RARB: variants seen among roughly 807,000 people sequenced by gnomAD.
RARB encodes the protein HBV-activated protein.
In RARB, 17 loss-of-function variants were observed where a neutral mutation model predicts 51.9. That is an observed-to-expected ratio of 0.33 (90% CI 0.22 to 0.49). The LOEUF (loss-of-function observed/expected upper bound fraction) is 0.49. Ranked by LOEUF, RARB falls within the 20% of genes least tolerant of loss-of-function variation. RARB has a pLI of 0.99. For missense variants in RARB, 369 were observed against 550.8 expected (o/e 0.67, Z 3.30); for synonymous variants, 215 against 195.4 (o/e 1.10, Z -0.84).
chr3:24,899,766 T>C (rs1201851877), intron 2 of RARB, among the ~76,000 whole-genome samples: 1 of 152,136 alleles, frequency 6.6e-6, no homozygotes, highest in Non-Finnish European at 1.5e-5. Flanking sequence ...AGAAGGAAAA[T>C]ATAATAAAGC....
intron 5 of RARB, among the ~76,000 whole-genome samples, chr3:25,323,995 A>G (rs1704641517): frequency 6.6e-6 from 1 of 152,182 alleles, no homozygotes; most frequent in Non-Finnish European, 1.5e-5. Context: ...GTAAACAAAC[A>G]AAGGTGACAC....
chr3:25,374,282 G>C (rs1706391209), intron 5 of RARB, among the ~76,000 whole-genome samples: 1 of 152,128 alleles, frequency 6.6e-6, no homozygotes, highest in Non-Finnish European at 1.5e-5. Context: ...TGAGGACTGG[G>C]AACAGGTACA....
chr3:25,590,073 A>T (rs1265695934), intron 5 of RARB, among the ~76,000 whole-genome samples: 1 of 152,190 alleles, frequency 6.6e-6, no homozygotes, highest in East Asian at 1.9e-4. Context: ...GGCTCCTCAG[A>T]TAAAAGAAGA....
chr3:25,034,305 G>T (rs1432252551), intron 2 of RARB, among the ~76,000 whole-genome samples: 1 of 152,104 alleles, frequency 6.6e-6, no homozygotes, highest in South Asian at 2.1e-4. Context: ...GGGAGACCTT[G>T]TCACAAGAAA....
At chr3:25,517,844 C>T (rs1163381735) in intron 3 of RARB, among the ~76,000 whole-genome samples, 2 of 152,122 alleles carry the variant, frequency 1.3e-5, no homozygotes, top group Admixed American at 6.5e-5. Flanking sequence ...TATGGTACGA[C>T]ATGGATGACC....
At chr3:25,357,783 T>G (rs534047204) in intron 5 of RARB, among the ~76,000 whole-genome samples, 3 of 152,094 alleles carry the variant, frequency 2.0e-5, no homozygotes, top group Non-Finnish European at 4.4e-5. Context: ...TTTCCCCATT[T>G]CTTGTTTTTG....
chr3:25,494,259 A>ACGCACGCGCGCGCGCGCGCG (rs150184798), intron 2 of RARB, among the ~76,000 whole-genome samples: 9 of 147,532 alleles, frequency 6.1e-5, no homozygotes, highest in African/African-American at 2.2e-4. Context: ...TTACGCACAC[A>ACGCACGCGCGCGCGCGCGCG]CACACACACA....
chr3:25,488,048 A>G (rs976461043), intron 2 of RARB, among the ~76,000 whole-genome samples: 1 of 152,170 alleles, frequency 6.6e-6, no homozygotes, highest in African/African-American at 2.4e-5. Flanking sequence ...TGCTATAACT[A>G]CTGTTGACAG....
chr3:25,449,015 G>T (rs992037732), intron 1 of RARB, among the ~76,000 whole-genome samples: 1 of 151,970 alleles, frequency 6.6e-6, no homozygotes, highest in Non-Finnish European at 1.5e-5. Flanking sequence ...GTTCATTCTT[G>T]TGCCAAATAA....
intron 4 of RARB, among the ~76,000 whole-genome samples, chr3:25,162,845 CA>C (rs1700494461): frequency 6.6e-6 from 1 of 152,148 alleles, no homozygotes; most frequent in African/African-American, 2.4e-5. Flanking sequence ...GGATTGTTTT[CA>C]CTTTATGGAT....
intron 5 of RARB, among the ~76,000 whole-genome samples, chr3:25,281,151 T>G (rs528187122): frequency 2.0e-5 from 3 of 152,160 alleles, no homozygotes; most frequent in Admixed American, 6.6e-5. Context: ...TCCTGGGCAG[T>G]ATTTTGATTG....
chr3:25,179,091 G>A (rs536224073), intron 5 of RARB, among the ~76,000 whole-genome samples: 8 of 152,218 alleles, frequency 5.3e-5, no homozygotes, highest in Admixed American at 1.3e-4. Context: ...TCACAAAATA[G>A]GGTATTTGCT....
intron 5 of RARB, among the ~76,000 whole-genome samples, chr3:25,365,199 C>CTTTTTTTTTTTTTTT (rs3035063): frequency 4.0e-5 from 3 of 75,456 alleles, no homozygotes; most frequent in Non-Finnish European, 7.5e-5. Flanking sequence ...TTCTTTCTTT[C>CTTTTTTTTTTTTTTT]TTTTTTTTTT....
chr3:25,513,309 G>A (rs1364323463), intron 3 of RARB, among the ~76,000 whole-genome samples: 2 of 151,710 alleles, frequency 1.3e-5, no homozygotes, highest in Non-Finnish European at 2.9e-5. Context: ...AAGAGACAGA[G>A]AGGGAGAGAG....
At chr3:25,115,849 T>G (rs1232869961) in intron 3 of RARB, among the ~76,000 whole-genome samples, 1 of 152,100 alleles carries the variant, frequency 6.6e-6, no homozygotes, top group Non-Finnish European at 1.5e-5. Flanking sequence ...GAGGCTGATC[T>G]CGAACTTCTG....
At chr3:25,197,459 CAGT>C (rs1055869425) in intron 5 of RARB, among the ~76,000 whole-genome samples, 3 of 151,494 alleles carry the variant, frequency 2.0e-5, no homozygotes, top group African/African-American at 7.3e-5. Flanking sequence ...TGCAATAAGA[CAGT>C]AGAAAGAAAG....
chr3:24,971,743 C>A (rs996433816), intron 2 of RARB, among the ~76,000 whole-genome samples: 1 of 151,930 alleles, frequency 6.6e-6, no homozygotes, highest in Non-Finnish European at 1.5e-5. Flanking sequence ...ATAACTTGGG[C>A]TTGGTATGCG....
chr3:25,200,482 A>G (rs1229357025), intron 5 of RARB, among the ~76,000 whole-genome samples: 2 of 152,074 alleles, frequency 1.3e-5, no homozygotes, highest in Non-Finnish European at 2.9e-5. Flanking sequence ...TTTTGTTGCC[A>G]TTGCTTTTGC....
upstream of RARB, among the ~76,000 whole-genome samples, chr3:25,427,417 C>T (rs1559395986): frequency 6.6e-6 from 1 of 152,192 alleles, no homozygotes; most frequent in Non-Finnish European, 1.5e-5. Flanking sequence ...AAATACTTAT[C>T]CCAGAACACA....
Sources: allele counts gnomAD v4.1 joint callset (sites outside exome capture counted in the v4.1 genomes callset), GRCh38; gene constraint gnomAD v4.1.1; transcripts MANE v1.5; gene names NCBI Gene and HGNC (gene_info 2026-07-23, HGNC 2026-07-21).